RAP1GAP2: variants seen among roughly 807,000 people sequenced by gnomAD.
RAP1GAP2 encodes the protein RAP1 GTPase activating protein 2, also known as rap1 GTPase-activating protein 2.
RAP1GAP2 carries 27 observed loss-of-function variants against 95.0 expected under a neutral mutation model. The observed-to-expected ratio is 0.28, with a 90% CI of 0.21 to 0.39. RAP1GAP2 has a LOEUF of 0.39. Among genes scored for constraint, RAP1GAP2 ranks in the 10% least tolerant of loss-of-function variants. The pLI is 1.00. For missense variants in RAP1GAP2, 771 were observed against 970.0 expected (o/e 0.79, Z 2.72); for synonymous variants, 373 against 380.9 (o/e 0.98, Z 0.24).
At chr17:3,032,714 G>A (rs568238698) in intron 24 of RAP1GAP2, among the ~76,000 whole-genome samples, 57 of 151,628 alleles carry the variant, frequency 3.8e-4, no homozygotes, top group Non-Finnish European at 6.8e-4. Flanking sequence ...TCTGGTTCCC[G>A]CAGGCAGAAG....
chr17:2,796,525 A>T lies in RAP1GAP2; in HGVS notation c.-3A>T. 1 of 1,561,140 alleles carries T rather than the reference A, an allele frequency of 6.4e-7. No homozygotes were observed. The highest frequency in any genetic ancestry group is 8.7e-7 in the Non-Finnish European group (1 of 1,152,552). On this transcript the variant is annotated 5_prime_UTR_variant, in exon 1 of 25. Transcript: ENST00000254695. This position sits in a 1 kb window ranked among gnomAD's most constrained non-coding sequence, Gnocchi z 4.7. ...TGGGACCCCGGGCTCTGCAGCCACA[A>T]CCATGTTTGGCCGGAAGCGCAGTGT...
rs1236418926 is a variant in RAP1GAP2 at position 3,036,287 on chromosome 17, A to G, written c.*2926A>G. ...GAGAAATCTTAGCCCAGGTGAGGGG[A>G]GTAACTTGCTTGAGGTCACACAGCT... is the stretch of plus-strand genomic sequence containing the variant. On this transcript the variant is annotated 3_prime_UTR_variant, in exon 25 of 25. Coordinates refer to ENST00000254695, the MANE Select transcript of RAP1GAP2 (RefSeq NM_015085.5). The G allele has an allele frequency of 6.6e-6, 1 of 152,204 alleles. No individual in the cohort carries two copies. Among genetic ancestry groups the G allele is most frequent in the Non-Finnish European group, 1.5e-5 (1 of 68,044 alleles). 9.4% of individuals were successfully genotyped at this position (152,204 alleles called of 1,614,324 possible). A position where few individuals can be genotyped will look rare whatever the true frequency, so the allele number is the denominator to read the frequency against.
chr17:2,962,051 C>T (rs567616402), intron 4 of RAP1GAP2, among the ~76,000 whole-genome samples: 25 of 152,074 alleles, frequency 1.6e-4, no homozygotes, highest in Admixed American at 9.8e-4. Context: ...TACAGGCATG[C>T]GCCACCACGC....
chr17:2,760,651 T>G (rs2071229075), intron 1 of RAP1GAP2, among the ~76,000 whole-genome samples: 1 of 150,326 alleles, frequency 6.7e-6, no homozygotes, highest in African/African-American at 2.4e-5. Context: ...AACTTTCACT[T>G]TTTTTTTTAC....
chr17:2,789,631 C>T (rs1394189481), intron 1 of RAP1GAP2, among the ~76,000 whole-genome samples: 1 of 80,316 alleles, frequency 1.2e-5, no homozygotes, highest in East Asian at 4.1e-4. Context: ...AAAAAAAAAA[C>T]ATTAGCCAGG....
At chr17:2,790,809 G>A (rs545785391) in intron 1 of RAP1GAP2, among the ~76,000 whole-genome samples, 2 of 152,222 alleles carry the variant, frequency 1.3e-5, no homozygotes, top group Non-Finnish European at 2.9e-5. Flanking sequence ...TGCCCCGAGG[G>A]CCAGGGGACA....
rs1393822288 is a variant in RAP1GAP2, at chr17:2,931,289, T to C, written c.165+25921T>C. 3.4e-5 allele frequency among the ~76,000 whole-genome samples: 4 copies of C among 116,564 alleles called. No homozygotes were observed. The East Asian group carries it at 6.1e-4, about 18-fold the overall frequency. 76.5% of individuals were successfully genotyped at this position (116,564 alleles called of 152,430 possible). ...CATGAGTGAGTGTTTCTTGTGTGTG[T>C]GTGTGTGTGTGTGTGTGTGTGTGTT... On this transcript the variant is annotated intron_variant, in intron 3 of 24. Coordinates refer to ENST00000254695, the MANE Select transcript of RAP1GAP2 (RefSeq NM_015085.5).
chr17:2,971,554 A>G (rs924681195), intron 8 of RAP1GAP2, among the ~76,000 whole-genome samples: 15 of 152,154 alleles, frequency 9.9e-5, no homozygotes, highest in African/African-American at 3.4e-4. Flanking sequence ...GAACAATAGA[A>G]TGGACCTCAT....
At position 3,027,582 on chromosome 17, in the gene RAP1GAP2, G is replaced by T. The variant is rs2151664186; in HGVS notation, c.2107+512G>T. On this transcript the variant is annotated intron_variant, in intron 22 of 24. Transcript: ENST00000254695. The surrounding 1 kb of genome is among the most constrained non-coding windows in gnomAD (Gnocchi z 5.2). ...ATGGCAGCTGGGTTCACAGAGCCAG[G>T]CGTCAGAGAGGCCGGAGCGTTGACA... Among the ~76,000 whole-genome samples the T allele has an allele frequency of 6.6e-6, 1 of 152,200 alleles. No homozygotes were observed. The highest frequency in any genetic ancestry group is 2.1e-4 in the South Asian group (1 of 4,830).
In RAP1GAP2 at chr17:2,797,708, A is replaced by T; in HGVS notation, c.44+1137A>T. Reference sequence around the variant, plus strand: ...TGGCAGATGGGATGGTGCGGATGAGAAGATGGCACAGCGTCGCCTGTGTCT... The same window carrying T: ...TGGCAGATGGGATGGTGCGGATGAGTAGATGGCACAGCGTCGCCTGTGTCT... On this transcript the variant is annotated intron_variant, in intron 1 of 24. Coordinates refer to ENST00000254695, the MANE Select transcript of RAP1GAP2 (RefSeq NM_015085.5). The surrounding 1 kb of genome is among the most constrained non-coding windows in gnomAD (Gnocchi z 5.6). 2 of 985,304 alleles carry T rather than the reference A, an allele frequency of 2.0e-6. No homozygotes were observed. The highest frequency in any genetic ancestry group is 2.4e-6 in the Non-Finnish European group (2 of 829,894). 61.0% of individuals were successfully genotyped at this position (985,304 alleles called of 1,614,324 possible). A position where few individuals can be genotyped will look rare whatever the true frequency, so the allele number is the denominator to read the frequency against.
At chr17:2,853,490 G>A (rs1390154060) in intron 2 of RAP1GAP2, among the ~76,000 whole-genome samples, 4 of 151,144 alleles carry the variant, frequency 2.6e-5, no homozygotes, top group Admixed American at 6.6e-5. Context: ...GCGGGAGTGC[G>A]GGCGGGGACC....
At chr17:2,816,357 A>C (rs2070025313) in intron 2 of RAP1GAP2, among the ~76,000 whole-genome samples, 1 of 151,428 alleles carries the variant, frequency 6.6e-6, no homozygotes, top group African/African-American at 2.4e-5. Context: ...TTTATTTTTG[A>C]GACGGAGTCT....
chr17:2,798,500 T>C (rs982737219), intron 1 of RAP1GAP2, among the ~76,000 whole-genome samples: 2 of 152,130 alleles, frequency 1.3e-5, no homozygotes, highest in African/African-American at 4.8e-5. Flanking sequence ...TCATCTGGGA[T>C]GGCTGTCAGC....
At chr17:2,994,015 C>T (rs890249201) in intron 12 of RAP1GAP2, among the ~76,000 whole-genome samples, 2 of 152,206 alleles carry the variant, frequency 1.3e-5, no homozygotes, top group South Asian at 2.1e-4. Flanking sequence ...CATTGCGCTC[C>T]AGCCTGGATG....
Position 2,911,414 on chromosome 17 carries a change from C to T in RAP1GAP2, c.165+6046C>T, listed in dbSNP as rs557561528. On this transcript the variant is annotated intron_variant, in intron 3 of 24. Coordinates refer to ENST00000254695, the MANE Select transcript of RAP1GAP2 (RefSeq NM_015085.5). ...CTTGAGGCTGCGTCTGTGGGAATAC[C>T]GTAGGTGGTTTCCAGGCCCATATTT... Among the ~76,000 whole-genome samples the T allele has an allele frequency of 8.2e-4, 125 of 152,062 alleles. 1 individual carries two copies. The Middle Eastern group carries it at 0.02, about 25-fold the overall frequency.
Position 2,825,187 on chromosome 17 carries a change from GCCT to G in RAP1GAP2, c.80+24641_80+24643del, listed in dbSNP as rs2151529621. Among the ~76,000 whole-genome samples, 1 of 152,194 alleles carries G rather than the reference GCCT, an allele frequency of 6.6e-6. No individual in the cohort carries two copies. Among genetic ancestry groups the G allele is most frequent in the East Asian group, 1.9e-4 (1 of 5,186 alleles). ...GGCCTCAAGTGATCCTCCCACCTTG[GCCT>G]CCTAAATTGCTGGTATTATGGGTGT... On this transcript the variant is annotated intron_variant, in intron 2 of 24. Transcript: ENST00000254695. The surrounding 1 kb of genome is among the most constrained non-coding windows in gnomAD (Gnocchi z 4.1).
intron 19 of RAP1GAP2, among the ~76,000 whole-genome samples, chr17:3,024,017 G>A (rs970014502): frequency 2.6e-5 from 4 of 152,278 alleles, no homozygotes; most frequent in Middle Eastern, 3.4e-3. Context: ...AGTATTCCAT[G>A]GTATATGAGA....
chr17:2,852,931 G>C (rs1221228476), intron 2 of RAP1GAP2, among the ~76,000 whole-genome samples: 1 of 152,186 alleles, frequency 6.6e-6, no homozygotes, highest in Non-Finnish European at 1.5e-5. Flanking sequence ...TGAGGCTCGC[G>C]CGCGGCTGGC....
At chr17:2,896,059 C>T (rs1041289354) in intron 2 of RAP1GAP2, among the ~76,000 whole-genome samples, 7 of 152,204 alleles carry the variant, frequency 4.6e-5, no homozygotes, top group Admixed American at 6.5e-5. Context: ...CTAGATCAGC[C>T]GTTGCCTCCT....
Sources: allele counts gnomAD v4.1 joint callset (sites outside exome capture counted in the v4.1 genomes callset), GRCh38; gene constraint gnomAD v4.1.1; non-coding constraint Gnocchi (gnomAD v3.1); transcripts MANE v1.5; gene names NCBI Gene and HGNC (gene_info 2026-07-23, HGNC 2026-07-21).